The following IMMP2L variants were observed in gnomAD, a reference collection of about 807,000 sequenced individuals.
IMMP2L encodes the protein inner mitochondrial membrane peptidase subunit 2.
In IMMP2L, 18 loss-of-function variants were observed where a neutral mutation model predicts 19.3. The ratio of observed to expected loss-of-function variants is 0.93; its 90% CI spans 0.64 to 1.38. The LOEUF (loss-of-function observed/expected upper bound fraction) is 1.38. IMMP2L is among the 40% of genes most tolerant of loss of function. IMMP2L has a pLI of 0.00. For synonymous variants in IMMP2L, 76 were observed against 73.0 expected (o/e 1.04, Z -0.21); for missense variants, 233 against 218.2 (o/e 1.07, Z -0.43).
intron 3 of IMMP2L, among the ~76,000 whole-genome samples, chr7:111,063,015 T>C (rs938309591): frequency 6.6e-6 from 1 of 152,246 alleles, no homozygotes; most frequent in Non-Finnish European, 1.5e-5. Context: ...ACAGCTCCAC[T>C]AGGCAGTGCC....
intron 3 of IMMP2L, among the ~76,000 whole-genome samples, chr7:110,999,501 C>CTAG (rs1412652026): frequency 1.3e-5 from 2 of 150,768 alleles, no homozygotes; most frequent in Non-Finnish European, 2.9e-5. Flanking sequence ...TTTGTATTCT[C>CTAG]TAGTAGTACT....
At chr7:110,931,701 T>C (rs1430539916) in intron 4 of IMMP2L, among the ~76,000 whole-genome samples, 1 of 152,142 alleles carries the variant, frequency 6.6e-6, no homozygotes, top group African/African-American at 2.4e-5. Context: ...AATCAAATCA[T>C]GTCACCTGCC....
chr7:110,707,296 G>A (rs1251022708), intron 5 of IMMP2L, among the ~76,000 whole-genome samples: 1 of 15,698 alleles, frequency 6.4e-5, no homozygotes, highest in Non-Finnish European at 1.4e-4. Flanking sequence ...GAGAATGATG[G>A]TTTCCAATTT....
intron 3 of IMMP2L, among the ~76,000 whole-genome samples, chr7:111,439,506 T>C (rs1837507886): frequency 6.6e-6 from 1 of 151,964 alleles, no homozygotes; most frequent in South Asian, 2.1e-4. Flanking sequence ...ACATTTACAC[T>C]GAACTGTAAT....
chr7:111,397,834 TG>T (rs1167127331), intron 3 of IMMP2L, among the ~76,000 whole-genome samples: 1 of 152,160 alleles, frequency 6.6e-6, no homozygotes, highest in East Asian at 1.9e-4. Context: ...TATCATTTCA[TG>T]TTTTTTTGAC....
intron 3 of IMMP2L, among the ~76,000 whole-genome samples, chr7:111,110,050 G>A (rs1481626498): frequency 6.6e-6 from 1 of 152,238 alleles, no homozygotes; most frequent in African/African-American, 2.4e-5. Context: ...CAGGAGAATC[G>A]CTTGAACCCA....
At position 111,224,887 on chromosome 7, in the gene IMMP2L, A is replaced by C. The variant is rs138596437; in HGVS notation, c.240-261322T>G. 6.0e-4 allele frequency among the ~76,000 whole-genome samples: 92 copies of C among 152,238 alleles called. No homozygotes were observed. The East Asian group carries it at 0.014, about 23-fold the overall frequency. On this transcript the variant is annotated intron_variant, in intron 3 of 5. Coordinates refer to ENST00000405709, the MANE Select transcript of IMMP2L (RefSeq NM_032549.4). Reference sequence around the variant, plus strand: ...AAAGCAAGCAAAGTCTGTTTTATTTAAGAATGTCTTCGATGAAGGAGTAAA... The same window carrying C: ...AAAGCAAGCAAAGTCTGTTTTATTTCAGAATGTCTTCGATGAAGGAGTAAA...
intron 5 of IMMP2L, among the ~76,000 whole-genome samples, chr7:110,830,129 G>A (rs1218766865): frequency 1.3e-5 from 2 of 152,032 alleles, no homozygotes; most frequent in African/African-American, 4.8e-5. Flanking sequence ...CCAGGTTACC[G>A]TGCATGAGAA....
chr7:110,744,756 C>A (rs1475271052), intron 5 of IMMP2L, among the ~76,000 whole-genome samples: 1 of 152,178 alleles, frequency 6.6e-6, no homozygotes, highest in South Asian at 2.1e-4. Context: ...TCATCGACTT[C>A]AAAGACCAAA....
At chr7:111,014,329 T>C (rs1825274110) in intron 3 of IMMP2L, among the ~76,000 whole-genome samples, 1 of 151,932 alleles carries the variant, frequency 6.6e-6, no homozygotes, top group Non-Finnish European at 1.5e-5. Flanking sequence ...CACTCCAGCT[T>C]TGGCAGGAGA....
intron 2 of IMMP2L, among the ~76,000 whole-genome samples, chr7:111,488,907 G>C (rs951897416): frequency 1.3e-5 from 2 of 152,052 alleles, no homozygotes; most frequent in African/African-American, 4.8e-5. Context: ...TTGCAGGAGT[G>C]AGGTAGTATT....
At chr7:111,125,938 T>C (rs1195655762) in intron 3 of IMMP2L, among the ~76,000 whole-genome samples, 1 of 148,780 alleles carries the variant, frequency 6.7e-6, no homozygotes, top group Non-Finnish European at 1.5e-5. Context: ...TTCTCCTGCC[T>C]CAACCTCCAG....
intron 3 of IMMP2L, among the ~76,000 whole-genome samples, chr7:110,968,971 A>G (rs1819857160): frequency 6.6e-6 from 1 of 152,014 alleles, no homozygotes; most frequent in Non-Finnish European, 1.5e-5. Flanking sequence ...TGGATAGACT[A>G]TATTTAAGCC....
At chr7:111,332,697 C>T (rs1278261383) in intron 3 of IMMP2L, among the ~76,000 whole-genome samples, 1 of 152,004 alleles carries the variant, frequency 6.6e-6, no homozygotes, top group South Asian at 2.1e-4. Context: ...TCAAACTTTA[C>T]ACCCTAAAAA....
chr7:111,390,173 A>C (rs1832204745), intron 3 of IMMP2L, among the ~76,000 whole-genome samples: 1 of 152,116 alleles, frequency 6.6e-6, no homozygotes, highest in Admixed American at 6.5e-5. Context: ...ACAGCTGCAG[A>C]GAACCGCCCT....
intron 2 of IMMP2L, chr7:111,492,407 G>T (rs1843187562): frequency 1.0e-6 from 1 of 983,532 alleles, no homozygotes; most frequent in African/African-American, 1.8e-5. Flanking sequence ...CCCGCTCTTT[G>T]GATGCCTCAT....
At chr7:111,067,670 C>T (rs970660224) in intron 3 of IMMP2L, among the ~76,000 whole-genome samples, 5 of 152,082 alleles carry the variant, frequency 3.3e-5, no homozygotes, top group South Asian at 2.1e-4. Flanking sequence ...AGCACTATTT[C>T]GTAGGAAAAC....
At chr7:111,277,335 C>A (rs983695371) in intron 3 of IMMP2L, among the ~76,000 whole-genome samples, 8 of 151,406 alleles carry the variant, frequency 5.3e-5, no homozygotes, top group Admixed American at 2.0e-4. Context: ...CAAACACACA[C>A]AAAAAAATGC....
At chr7:111,557,324 AGT>A (rs892546209) in intron 1 of IMMP2L, among the ~76,000 whole-genome samples, 1 of 152,136 alleles carries the variant, frequency 6.6e-6, no homozygotes, top group Non-Finnish European at 1.5e-5. Context: ...TGGTATAAGA[AGT>A]GTACCCTGAA....
Sources: gnomAD v4.1 joint callset for allele counts (sites outside exome capture counted in the v4.1 genomes callset) on GRCh38, gnomAD v4.1.1 for gene constraint, MANE v1.5 for transcripts, NCBI Gene and HGNC (gene_info 2026-07-23, HGNC 2026-07-21) for gene names.